SAMD3: variants seen among roughly 807,000 people sequenced by gnomAD.
SAMD3 encodes sterile alpha motif domain-containing protein 3.
SAMD3 carries 63 observed loss-of-function variants against 58.5 expected under a neutral mutation model. The observed-to-expected ratio is 1.08, with a 90% CI of 0.88 to 1.33. SAMD3 has a LOEUF of 1.33. SAMD3 is among the 40% of genes most tolerant of loss of function. The pLI is 0.00. For missense variants in SAMD3, 604 were observed against 608.4 expected (o/e 0.99, Z 0.08); for synonymous variants, 220 against 210.3 (o/e 1.05, Z -0.40).
At chr6:130,253,749 T>TTA (rs1773827678) in intron 2 of SAMD3, among the ~76,000 whole-genome samples, 1 of 71,786 alleles carries the variant, frequency 1.4e-5, no homozygotes, top group Admixed American at 1.3e-4. Context: ...AAAATTATTA[T>TTA]TTTTTTTTGG....
intron 7 of SAMD3, chr6:130,183,332 G>T (rs1408754745): frequency 2.5e-6 from 1 of 400,146 alleles, no homozygotes; most frequent in South Asian, 1.7e-5. Context: ...GCGAGACTCC[G>T]TCTCAAAAAA....
chr6:130,162,395 G>T (rs1451522738), intron 8 of SAMD3: 5 of 600,570 alleles, frequency 8.3e-6, no homozygotes, highest in Non-Finnish European at 1.2e-5. Context: ...TTATCTCCCA[G>T]AAATGAATAA....
chr6:130,189,288 G>A (rs1191188775), intron 5 of SAMD3, among the ~76,000 whole-genome samples: 3 of 152,064 alleles, frequency 2.0e-5, no homozygotes, highest in Non-Finnish European at 4.4e-5. Context: ...GACGGGATTG[G>A]TATTCTTAAA....
At chr6:130,268,901 T>C (rs1476642021) in intron 2 of SAMD3, among the ~76,000 whole-genome samples, 1 of 152,226 alleles carries the variant, frequency 6.6e-6, no homozygotes, top group Non-Finnish European at 1.5e-5. Flanking sequence ...TCTACTACAC[T>C]GTAACTTGCC....
At chr6:130,220,061 G>T (rs1297818071) in intron 1 of SAMD3, among the ~76,000 whole-genome samples, 1 of 152,112 alleles carries the variant, frequency 6.6e-6, no homozygotes, top group Non-Finnish European at 1.5e-5. Flanking sequence ...GAGTGCAGTG[G>T]CACTATCTCG....
intron 1 of SAMD3, among the ~76,000 whole-genome samples, chr6:130,330,129 G>C (rs1171001534): frequency 1.3e-5 from 2 of 152,186 alleles, no homozygotes; most frequent in East Asian, 1.9e-4. Flanking sequence ...GTGTAGAAGA[G>C]ATGAGTAATT....
chr6:130,149,658 CA>C (rs1281751363), intron 9 of SAMD3, among the ~76,000 whole-genome samples: 20 of 152,086 alleles, frequency 1.3e-4, no homozygotes, highest in Non-Finnish European at 1.3e-4. Context: ...GGGAGCTAAC[CA>C]CTGAGTACAC....
chr6:130,301,896 C>T (rs1323860657), intron 2 of SAMD3, among the ~76,000 whole-genome samples: 1 of 152,044 alleles, frequency 6.6e-6, no homozygotes, highest in African/African-American at 2.4e-5. Flanking sequence ...AGTATCCATA[C>T]ACAGAAGAAT....
chr6:130,186,625 T>A (rs1260800232), intron 5 of SAMD3, among the ~76,000 whole-genome samples: 1 of 152,190 alleles, frequency 6.6e-6, no homozygotes, highest in Non-Finnish European at 1.5e-5. Flanking sequence ...TGCGAATTAC[T>A]CTTTCACAAT....
At chr6:130,155,078 A>G in intron 8 of SAMD3, 53 bp from the exon 9 acceptor site, 2 of 1,467,968 alleles carry the variant, frequency 1.4e-6, no homozygotes, top group Non-Finnish European at 1.9e-6. Context: ...TAAAAACTTG[A>G]ATTTCAGGCT....
At chr6:130,283,214 A>T (rs2114953131) in intron 2 of SAMD3, among the ~76,000 whole-genome samples, 1 of 152,348 alleles carries the variant, frequency 6.6e-6, no homozygotes, top group Admixed American at 6.5e-5. Flanking sequence ...TATAGCACTG[A>T]GAGATAAAGA....
rs1483098621 is a variant in SAMD3, at chr6:130,277,134, GA to G, written c.-188+35843del. On this transcript the variant is annotated intron_variant, in intron 2 of 13. Transcript: ENST00000368134. ...AAGGGATTATAGAAAAGAAAGTTAT[GA>G]AACAATGGCTTGTTCTCATTTAACT... Among the ~76,000 whole-genome samples, 5 of 152,230 alleles carry G rather than the reference GA, an allele frequency of 3.3e-5. No homozygotes were observed. The East Asian group carries it at 9.6e-4, about 29-fold the overall frequency.
Position 130,146,162 on chromosome 6 carries a change from A to G in SAMD3, c.1043T>C (p.Leu348Pro). 1 of 1,584,288 alleles carries G rather than the reference A, an allele frequency of 6.3e-7. No homozygotes were observed. The highest frequency in any genetic ancestry group is 8.6e-7 in the Non-Finnish European group (1 of 1,167,090). Reference sequence around the variant, plus strand: ...CTTATAAATATCTGTTCTTGTAAGAAGTTGGAATTCTCTGAACATCTGACA... The same window carrying G: ...CTTATAAATATCTGTTCTTGTAAGAGGTTGGAATTCTCTGAACATCTGACA... ...CPYQMFREFQLLTRTDIYKKT... is the reference protein window; with the variant it reads ...CPYQMFREFQPLTRTDIYKKT... Residue 348 changes from leucine to proline, a missense_variant, in exon 10 of 12, where the codon CTT becomes CCT. Leu to Pro is a moderately conservative substitution (Grantham distance 98). Coordinates refer to ENST00000439090, the MANE Select transcript of SAMD3 (RefSeq NM_001017373.4).
downstream of SAMD3, chr6:130,143,978 C>T (rs968085152): frequency 1.3e-5 from 2 of 153,300 alleles, no homozygotes; most frequent in Admixed American, 6.5e-5. Context: ...ATGAGGAGAC[C>T]TCAAAAATGC....
At chr6:130,360,416 G>A (rs1777950923) in intron 1 of SAMD3, among the ~76,000 whole-genome samples, 1 of 152,128 alleles carries the variant, frequency 6.6e-6, no homozygotes, top group South Asian at 2.1e-4. Flanking sequence ...GCATCTGGGG[G>A]AGACATCACA....
At chr6:130,282,925 T>C (rs969750489) in intron 2 of SAMD3, among the ~76,000 whole-genome samples, 2 of 152,288 alleles carry the variant, frequency 1.3e-5, no homozygotes, top group Admixed American at 6.5e-5. Flanking sequence ...TCAGCAACAA[T>C]TTATAAGTCA....
At chr6:130,308,877 G>A (rs1421267325) in intron 2 of SAMD3, among the ~76,000 whole-genome samples, 2 of 152,126 alleles carry the variant, frequency 1.3e-5, no homozygotes, top group East Asian at 3.9e-4. Flanking sequence ...GAGAATGAGT[G>A]CATGGTGATC....
At position 130,287,400 on chromosome 6, in the gene SAMD3, T is replaced by G. The variant is rs539043158; in HGVS notation, c.-188+25578A>C. 1.3e-4 allele frequency among the ~76,000 whole-genome samples: 20 copies of G among 152,248 alleles called. No individual in the cohort carries two copies. The South Asian group carries it at 4.1e-3, about 32-fold the overall frequency. On this transcript the variant is annotated intron_variant, in intron 2 of 13. Transcript: ENST00000368134. The stretch of plus-strand genomic sequence containing the variant: ...AATTATTCATTCATTTCTTTATTCC[T>G]TCAACAAATACTTGAATGGGAGGAA...
intron 9 of SAMD3, among the ~76,000 whole-genome samples, chr6:130,153,155 G>C (rs1789379359): frequency 6.6e-6 from 1 of 152,086 alleles, no homozygotes; most frequent in Admixed American, 6.6e-5. Context: ...CATGTAAGGA[G>C]TGTATAGACC....
Sources: allele counts gnomAD v4.1 joint callset (sites outside exome capture counted in the v4.1 genomes callset), GRCh38; gene constraint gnomAD v4.1.1; transcripts MANE v1.5; gene names NCBI Gene and HGNC (gene_info 2026-07-23, HGNC 2026-07-21).